The following SDS variants were observed in gnomAD, a reference collection of about 807,000 sequenced individuals.
The protein encoded by SDS is L-serine dehydratase/L-threonine deaminase.
SDS carries 19 observed loss-of-function variants against 29.3 expected under a neutral mutation model. The observed-to-expected ratio is 0.65, with a 90% CI of 0.45 to 0.95. SDS has a LOEUF of 0.95. SDS is among the 40% of genes least tolerant of loss of function. The pLI is 0.00. For missense variants in SDS, 375 were observed against 439.9 expected (o/e 0.85, Z 1.32); for synonymous variants, 176 against 189.0 (o/e 0.93, Z 0.56).
chr12:113,396,587 TTCCTTC>T (rs1957648303), intron 6 of SDS: 1 of 104,760 alleles, frequency 9.5e-6, no homozygotes, highest in Middle Eastern at 4.6e-3. Flanking sequence ...CCTTCCTTCC[TTCCTTC>T]CTTCCTTCCC....
Position 113,397,195 on chromosome 12 carries a change from C to T in SDS, c.623G>A (p.Gly208Asp). 6.2e-7 allele frequency: 1 copy of T among 1,614,204 alleles called. No individual in the cohort carries two copies. The highest frequency in any genetic ancestry group is 8.5e-7 in the Non-Finnish European group (1 of 1,180,012). ...AHSFHAATTA[G>D]KLVSLPKITS... ...GATCTTGGGCAGGGAGACAAGTTTGCCTGCGGTGGTGGCAGCGTGGAAGCT... is the reference window on the plus strand; with the variant it reads ...GATCTTGGGCAGGGAGACAAGTTTGTCTGCGGTGGTGGCAGCGTGGAAGCT... Residue 208 changes from glycine to aspartate, a missense_variant, in exon 6 of 8, where the codon GGC (glycine) becomes GAC (aspartate). Physicochemically the swap from Gly to Asp is moderately conservative, Grantham distance 94. Transcript: ENST00000257549.
rs761812838 is a variant in SDS, at chr12:113,393,124, G to A, written c.804C>T (p.Pro268=). ...CAGCGGCCAGGGCTGCCCCGCAGGC[G>A]GGCTCCACCAGGATCTTCTCATCAT... The part of the protein sequence containing the change: ...FVDDEKILVE[P]ACGAALAAVY... Residue 268 remains proline, a synonymous_variant, in exon 8 of 8, where the codon CCC becomes CCT. Transcript: ENST00000257549. The A allele has an allele frequency of 2.6e-5, 42 of 1,613,874 alleles. No homozygotes were observed. Among genetic ancestry groups the A allele is most frequent in the Non-Finnish European group, 3.1e-5 (37 of 1,180,034 alleles).
At position 113,393,112 on chromosome 12, in the gene SDS, T is replaced by C; in HGVS notation, c.816A>G (p.Ala272=). 1.2e-6 allele frequency: 2 copies of C among 1,614,144 alleles called. No homozygotes were observed. The highest frequency in any genetic ancestry group is 1.7e-6 in the Non-Finnish European group (2 of 1,180,032). The change falls in exon 8 of 8, where the codon GCA becomes GCG. Residue 272 remains alanine (A), a synonymous_variant. Coordinates refer to ENST00000257549, the MANE Select transcript of SDS (RefSeq NM_006843.3). ...EKILVEPACG[A]ALAAVYSHVI... ...CGTGGCTATAGACAGCGGCCAGGGC[T>C]GCCCCGCAGGCGGGCTCCACCAGGA... is the stretch of plus-strand genomic sequence containing the variant.
Position 113,399,152 on chromosome 12 carries a change from C to T in SDS, c.154-1G>A. On this transcript the variant is annotated splice_acceptor_variant, in intron 2 of 7. Coordinates refer to ENST00000257549, the MANE Select transcript of SDS (RefSeq NM_006843.3). LOFTEE classifies it high-confidence loss of function. Reference sequence around the variant, plus strand: ...AATGTGCACAGCCTTGCTTGGCCCACTGTGGAGACAACAGGAGAGGCACTC... The same window carrying T: ...AATGTGCACAGCCTTGCTTGGCCCATTGTGGAGACAACAGGAGAGGCACTC... 1 of 1,613,866 alleles carries T rather than the reference C, an allele frequency of 6.2e-7. No homozygotes were observed. The highest frequency in any genetic ancestry group is 8.5e-7 in the Non-Finnish European group (1 of 1,179,866).
At chr12:113,396,489 T>C (rs1957645900) in intron 6 of SDS, among the ~76,000 whole-genome samples, 1 of 145,194 alleles carries the variant, frequency 6.9e-6, no homozygotes, top group African/African-American at 2.6e-5. Flanking sequence ...TTCTCTCTCT[T>C]TCTTTCCTCT....
At chr12:113,393,217 A>G in intron 7 of SDS, 68 bp from the exon 8 acceptor site, 1 of 1,457,280 alleles carries the variant, frequency 6.9e-7, no homozygotes, top group Non-Finnish European at 9.6e-7. Flanking sequence ...CTGACAGGCC[A>G]TTGGCAGGAC....
chr12:113,394,474 G>A (rs925453440), intron 6 of SDS, among the ~76,000 whole-genome samples: 1 of 151,538 alleles, frequency 6.6e-6, no homozygotes, highest in Non-Finnish European at 1.5e-5. Flanking sequence ...CGAGTAGCTG[G>A]GACTACAGGT....
intron 6 of SDS, among the ~76,000 whole-genome samples, chr12:113,396,340 TTTTCCTTTCC>T (rs373354943): frequency 2.9e-5 from 4 of 139,012 alleles, no homozygotes; most frequent in African/African-American, 5.3e-5. Context: ...CTCCCTCCCT[TTTTCCTTTCC>T]TTTCCTTTCC....
chr12:113,403,451 G>A (rs960627291), intron 1 of SDS, among the ~76,000 whole-genome samples: 4 of 152,060 alleles, frequency 2.6e-5, no homozygotes, highest in Non-Finnish European at 5.9e-5. Context: ...TTGAACCCAG[G>A]AGGTGGAGGT....
At position 113,397,367 on chromosome 12, in the gene SDS, C is replaced by T. The variant is rs755233297; in HGVS notation, c.451G>A (p.Glu151Lys). ...TTTTCCCACAGTGTCTCCTTCAGCT[C>T]TTTCACGATGGAAGCGTGGCCTTCC... ...IWEGHASIVKELKETLWEKPG... is the reference protein window; with the variant it reads ...IWEGHASIVKKLKETLWEKPG... The change falls in exon 6 of 8, where the codon GAG becomes AAG. Residue 151 changes from glutamate (E) to lysine (K), a missense_variant. Transcript: ENST00000257549. 6.2e-7 allele frequency: 1 copy of T among 1,611,486 alleles called. No homozygotes were observed. Among genetic ancestry groups the T allele is most frequent in the Non-Finnish European group, 8.5e-7 (1 of 1,177,938 alleles).
chr12:113,395,165 C>G (rs1428486899), intron 6 of SDS, among the ~76,000 whole-genome samples: 4 of 152,158 alleles, frequency 2.6e-5, no homozygotes, highest in African/African-American at 9.7e-5. Context: ...ACTTCAAGAC[C>G]TGCACTGGTA....
intron 1 of SDS, among the ~76,000 whole-genome samples, chr12:113,402,352 G>A (rs1016949084): frequency 1.3e-5 from 2 of 152,160 alleles, no homozygotes; most frequent in African/African-American, 4.8e-5. Flanking sequence ...GAGTGCAGCG[G>A]CATGATCTCG....
rs1017589931 is a variant in SDS at position 113,398,911 on chromosome 12, G to A, written c.194-65C>T. On this transcript the variant is annotated intron_variant, in intron 3 of 7. Coordinates refer to ENST00000257549, the MANE Select transcript of SDS (RefSeq NM_006843.3). ...CATCTGGGAGCCCAGGCAGGACTGC[G>A]TACCCTCTACTGGGGGCTCTGGAGT... 66 of 1,541,528 alleles carry A rather than the reference G, an allele frequency of 4.3e-5. 1 individual carries two copies. Among genetic ancestry groups the A allele is most frequent in the Non-Finnish European group, 5.1e-5 (58 of 1,143,198 alleles).
At chr12:113,401,941 G>A (rs576402360) in intron 1 of SDS, among the ~76,000 whole-genome samples, 16 of 152,284 alleles carry the variant, frequency 1.1e-4, no homozygotes, top group Middle Eastern at 3.4e-3. Flanking sequence ...AGGGTGGCTA[G>A]CCAGAGACCC....
Position 113,398,002 on chromosome 12 carries a change from T to C in SDS, c.425+513A>G, listed in dbSNP as rs913923490. On this transcript the variant is annotated intron_variant, in intron 5 of 7. Transcript: ENST00000257549. The stretch of plus-strand genomic sequence containing the variant: ...GTGTTGCATGTGCAGCCGTGGATAA[T>C]GGGCATTTGGTGACATGTGTGCACT... Among the ~76,000 whole-genome samples the C allele has an allele frequency of 6.6e-5, 10 of 152,112 alleles. No homozygotes were observed. The South Asian group carries it at 1.7e-3, about 25-fold the overall frequency.
rs1039120889 is a variant in SDS at position 113,399,268 on chromosome 12, G to C, written c.154-117C>G. ...TGGACACGGACGTTTCCTTCACTCA[G>C]AATTTGTTCTACCCTTGTCTGAGAC... On this transcript the variant is annotated intron_variant, in intron 2 of 7. Coordinates refer to ENST00000257549, the MANE Select transcript of SDS (RefSeq NM_006843.3). 8.6e-5 allele frequency: 99 copies of C among 1,151,954 alleles called. 1 individual carries two copies. Among genetic ancestry groups the C allele is most frequent in the Non-Finnish European group, 7.9e-5 (62 of 782,892 alleles). The allele number at this position is 1,151,954 out of a possible 1,614,324, so 71.4% of individuals were successfully genotyped here.
intron 1 of SDS, among the ~76,000 whole-genome samples, chr12:113,402,236 C>T (rs548546222): frequency 2.6e-4 from 39 of 152,256 alleles, no homozygotes; most frequent in African/African-American, 8.7e-4. Context: ...ACAGGACATC[C>T]CCAAATCGGC....
chr12:113,399,427 G>A (rs1041785694), intron 2 of SDS, 129 bp downstream of exon 2: 10 of 1,155,140 alleles, frequency 8.7e-6, no homozygotes, highest in East Asian at 2.6e-5. Context: ...AATGGTGGAC[G>A]CTCAGTCCTT....
At position 113,393,955 on chromosome 12, in the gene SDS, G is replaced by A; in HGVS notation, c.715C>T (p.His239Tyr). The A allele has an allele frequency of 6.2e-7, 1 of 1,614,190 alleles. No individual in the cohort carries two copies. Among genetic ancestry groups the A allele is most frequent in the African/African-American group, 1.3e-5 (1 of 75,046 alleles). Residue 239 changes from histidine (H) to tyrosine (Y), a missense_variant, in exon 7 of 8, where the codon CAC (histidine) becomes TAC (tyrosine). Transcript: ENST00000257549. ...GAQALKLFQEHPIFSEVISDQ... is the reference protein window; with the variant it reads ...GAQALKLFQEYPIFSEVISDQ... ...GAGATAACTTCAGAGAAAATGGGGT[G>A]TTCCTGAAACAGCTTCAGGGCCTGA...
Sources: allele counts gnomAD v4.1 joint callset (sites outside exome capture counted in the v4.1 genomes callset), GRCh38; gene constraint gnomAD v4.1.1; transcripts MANE v1.5; gene names NCBI Gene and HGNC (gene_info 2026-07-23, HGNC 2026-07-21).